The following CSMD3 variants were observed in gnomAD, a reference collection of about 807,000 sequenced individuals.
The protein encoded by CSMD3 is CUB and sushi domain-containing protein 3.
Under a neutral mutation model 435.2 loss-of-function variants are expected in CSMD3, and 177 were observed. The ratio of observed to expected loss-of-function variants is 0.41; its 90% CI spans 0.36 to 0.46. CSMD3 has a LOEUF of 0.46. CSMD3 is among the 20% of genes least tolerant of loss of function. The probability of loss-of-function intolerance (pLI) is 0.34; values close to 1 mark genes in which losing one functional copy is unlikely to be tolerated. For missense variants in CSMD3, 4,265 were observed against 4,504.6 expected (o/e 0.95, Z 1.52); for synonymous variants, 1,656 against 1,520.5 (o/e 1.09, Z -2.07).
intron 28 of CSMD3, among the ~76,000 whole-genome samples, chr8:112,516,510 C>G (rs1823686108): frequency 6.6e-6 from 1 of 152,044 alleles, no homozygotes; most frequent in Non-Finnish European, 1.5e-5. Flanking sequence ...AATAACAGAG[C>G]ACGGAGACAA....
chr8:113,398,462 T>A (rs1301205027), intron 1 of CSMD3, among the ~76,000 whole-genome samples: 2 of 152,314 alleles, frequency 1.3e-5, no homozygotes, highest in East Asian at 3.9e-4. Flanking sequence ...AGTTTATTTT[T>A]ACTTTTCAGA....
chr8:113,082,841 A>T (rs1464359477), intron 5 of CSMD3, among the ~76,000 whole-genome samples: 1 of 152,146 alleles, frequency 6.6e-6, no homozygotes. Context: ...AATAGATTAG[A>T]TCAAGCAGGA....
chr8:112,231,892 T>TAAAAAGCAATGACATGAGGAAATAC (rs1813118912), intron 68 of CSMD3, among the ~76,000 whole-genome samples: 1 of 152,142 alleles, frequency 6.6e-6, no homozygotes, highest in Non-Finnish European at 1.5e-5. Context: ...CTGCTGTCAA[T>TAAAAAGCAATGACATGAGGAAATAC]AAAAAGCAAT....
Position 113,278,716 on chromosome 8 carries a change from T to C in CSMD3, c.402-12A>G. The stretch of plus-strand genomic sequence containing the variant: ...GGAATCCTGTTAACCTAAAACAAAA[T>C]GGAATTAATTGTTAGAGACATAATC... On this transcript the variant is annotated splice_polypyrimidine_tract_variant and intron_variant, in intron 2 of 70. Coordinates refer to ENST00000297405, the MANE Select transcript of CSMD3 (RefSeq NM_198123.2). 1 of 1,167,020 alleles carries C rather than the reference T, an allele frequency of 8.6e-7. No homozygotes were observed. Among genetic ancestry groups the C allele is most frequent in the Non-Finnish European group, 1.3e-6 (1 of 772,454 alleles). The allele number at this position is 1,167,020 out of a possible 1,614,324, so 72.3% of individuals were successfully genotyped here.
chr8:112,638,954 T>G, intron 20 of CSMD3, 43 bp from the exon 21 acceptor site: 1 of 1,343,906 alleles, frequency 7.4e-7, no homozygotes, highest in Non-Finnish European at 1.1e-6. Context: ...GGTAGATCAG[T>G]AAAACACAGA....
chr8:112,606,654 G>A lies in CSMD3; in HGVS notation c.3716-19419C>T, dbSNP rs139242302. Among the ~76,000 whole-genome samples the A allele has an allele frequency of 3.6e-3, 553 of 152,180 alleles. 4 individuals are homozygous for A. Among genetic ancestry groups the A allele is most frequent in the African/African-American group, 0.013 (524 of 41,522 alleles). On this transcript the variant is annotated intron_variant, in intron 22 of 70. Coordinates refer to ENST00000297405, the MANE Select transcript of CSMD3 (RefSeq NM_198123.2). ...TCACGTTAGGTCACAAAACAAGTCC[G>A]AACAAATTCAAGAAGACTGAAGTTA... is the stretch of plus-strand genomic sequence containing the variant.
At position 112,405,224 on chromosome 8, in the gene CSMD3, T is replaced by TATATATATATATATATAC. The variant is rs1246729940; in HGVS notation, c.5809+1299_5809+1300insGTATATATATATATATAT. ...AAAAAAAAAAACCCCCATATATATA[T>TATATATATATATATATAC]ATATATATATATATATATATATACA... On this transcript the variant is annotated intron_variant, in intron 35 of 70. Coordinates refer to ENST00000297405, the MANE Select transcript of CSMD3 (RefSeq NM_198123.2). Among the ~76,000 whole-genome samples, 7 of 58,338 alleles carry TATATATATATATATATAC rather than the reference T, an allele frequency of 1.2e-4. No homozygotes were observed. The East Asian group carries it at 5.8e-3, about 49-fold the overall frequency. 38.3% of individuals were successfully genotyped at this position (58,338 alleles called of 152,430 possible). A position where few individuals can be genotyped will look rare whatever the true frequency, so the allele number is the denominator to read the frequency against.
At chr8:112,402,338 C>T (rs1408936783) in intron 35 of CSMD3, among the ~76,000 whole-genome samples, 1 of 152,148 alleles carries the variant, frequency 6.6e-6, no homozygotes, top group African/African-American at 2.4e-5. Flanking sequence ...TAATTCTTTA[C>T]AACCTTTCAC....
intron 66 of CSMD3, among the ~76,000 whole-genome samples, chr8:112,240,810 T>G (rs1238436326): frequency 2.6e-5 from 4 of 152,234 alleles, no homozygotes; most frequent in Middle Eastern, 6.8e-3. Context: ...GATACTGTTC[T>G]CTTGGTAGTA....
chr8:112,612,446 A>G (rs1833330971), intron 22 of CSMD3, among the ~76,000 whole-genome samples: 1 of 152,088 alleles, frequency 6.6e-6, no homozygotes, highest in Non-Finnish European at 1.5e-5. Context: ...TAAGAAATCC[A>G]AAGAATTTAG....
chr8:113,262,642 T>C lies in CSMD3; in HGVS notation c.514+15950A>G, dbSNP rs978768301. Among the ~76,000 whole-genome samples the C allele has an allele frequency of 1.3e-5, 2 of 152,038 alleles. 1 individual carries two copies. The highest frequency in any genetic ancestry group is 2.9e-5 in the Non-Finnish European group (2 of 67,972). On this transcript the variant is annotated intron_variant, in intron 3 of 70. Coordinates refer to ENST00000297405, the MANE Select transcript of CSMD3 (RefSeq NM_198123.2). ...TTCCTGCTCTGCTGAAAGAAAGCCATGTTGTGAACGGTCTTTGAGAAAGTC... is the reference window on the plus strand; with the variant it reads ...TTCCTGCTCTGCTGAAAGAAAGCCACGTTGTGAACGGTCTTTGAGAAAGTC...
intron 35 of CSMD3, among the ~76,000 whole-genome samples, chr8:112,397,626 G>T (rs1830964537): frequency 1.3e-5 from 2 of 152,080 alleles, no homozygotes; most frequent in African/African-American, 2.4e-5. Context: ...CCGTCTTCTG[G>T]CTGTGTCCTC....
chr8:113,000,880 CA>C (rs2131068524), intron 6 of CSMD3, among the ~76,000 whole-genome samples: 1 of 152,152 alleles, frequency 6.6e-6, no homozygotes, highest in African/African-American at 2.4e-5. Flanking sequence ...TCATCACTTG[CA>C]ACCACAAATA....
chr8:113,254,111 T>C (rs1205518202), intron 3 of CSMD3, among the ~76,000 whole-genome samples: 1 of 152,182 alleles, frequency 6.6e-6, no homozygotes, highest in Non-Finnish European at 1.5e-5. Flanking sequence ...CTCCGTCTGA[T>C]CTGAGTGTCT....
intron 1 of CSMD3, among the ~76,000 whole-genome samples, chr8:113,409,581 A>G (rs1414861099): frequency 6.6e-6 from 1 of 152,186 alleles, no homozygotes; most frequent in African/African-American, 2.4e-5. Flanking sequence ...GATTTATTTT[A>G]ATCAAGGAAT....
chr8:113,358,984 G>A (rs1483269364), intron 1 of CSMD3, among the ~76,000 whole-genome samples: 1 of 151,776 alleles, frequency 6.6e-6, no homozygotes, highest in Non-Finnish European at 1.5e-5. Context: ...ATATAGTAAA[G>A]TTGATAATAT....
Position 112,224,103 on chromosome 8 carries a change from T to A in CSMD3, c.*668A>T, listed in dbSNP as rs1365204163. 2 of 153,356 alleles carry A rather than the reference T, an allele frequency of 1.3e-5. No individual in the cohort carries two copies. Among genetic ancestry groups the A allele is most frequent in the African/African-American group, 4.8e-5 (2 of 41,442 alleles). 9.5% of individuals were successfully genotyped at this position (153,356 alleles called of 1,614,324 possible). The stretch of plus-strand genomic sequence containing the variant: ...TGGGGGAATTGGGAGGGTAGCACAA[T>A]GAACTTGCCCTTTGCAGAAACTATG... On this transcript the variant is annotated 3_prime_UTR_variant, in exon 71 of 71. Coordinates refer to ENST00000297405, the MANE Select transcript of CSMD3 (RefSeq NM_198123.2).
intron 22 of CSMD3, among the ~76,000 whole-genome samples, chr8:112,589,897 G>A (rs986929924): frequency 6.6e-6 from 1 of 152,076 alleles, no homozygotes; most frequent in Admixed American, 6.6e-5. Context: ...CGCTATCACT[G>A]AACAGTAACA....
chr8:112,896,958 T>A (rs569309074), intron 10 of CSMD3, among the ~76,000 whole-genome samples: 38 of 151,512 alleles, frequency 2.5e-4, no homozygotes, highest in African/African-American at 6.3e-4. Context: ...ACCCTCTACC[T>A]CCTCTGGCTT....
Sources: gnomAD v4.1 joint callset for allele counts (sites outside exome capture counted in the v4.1 genomes callset) on GRCh38, gnomAD v4.1.1 for gene constraint, MANE v1.5 for transcripts, NCBI Gene and HGNC (gene_info 2026-07-23, HGNC 2026-07-21) for gene names.